The following CYSTM1 variants were observed in gnomAD, a reference collection of about 807,000 sequenced individuals.
CYSTM1 encodes cysteine rich transmembrane module containing 1, also known as cysteine-rich transmembrane module-containing protein 1.
Under a neutral mutation model 13.1 loss-of-function variants are expected in CYSTM1, and 4 were observed. The ratio of observed to expected loss-of-function variants is 0.31; its 90% CI spans 0.15 to 0.70. CYSTM1 has a LOEUF of 0.70. CYSTM1 is among the 30% of genes least tolerant of loss of function. The pLI, the probability that CYSTM1 is intolerant of heterozygous loss-of-function variation, is 0.72. For synonymous variants in CYSTM1, 36 were observed against 42.7 expected, an observed-to-expected ratio of 0.84 and a Z score of 0.62; for missense variants, 96 against 121.6, an observed-to-expected ratio of 0.79 and a Z score of 0.99.
At chr5:140,193,606 G>C (rs139254415) in intron 1 of CYSTM1, among the ~76,000 whole-genome samples, 1 of 152,166 alleles carries the variant, frequency 6.6e-6, no homozygotes, top group African/African-American at 2.4e-5. Context: ...GAAAGTCACC[G>C]TGCCAGGCAC....
intron 2 of CYSTM1, among the ~76,000 whole-genome samples, chr5:140,207,645 A>C (rs989466007): frequency 2.6e-5 from 4 of 152,184 alleles, no homozygotes; most frequent in African/African-American, 9.7e-5. Context: ...ATTCCAAAAA[A>C]CTTAGGGGCC....
At chr5:140,225,766 C>T (rs1346895700) in intron 2 of CYSTM1, among the ~76,000 whole-genome samples, 2 of 152,220 alleles carry the variant, frequency 1.3e-5, no homozygotes, top group Non-Finnish European at 2.9e-5. Context: ...AGTCCCCTCC[C>T]CAGCATTCTT....
intron 1 of CYSTM1, among the ~76,000 whole-genome samples, chr5:140,177,071 A>AAAAAAAAACAAAAAAAAAAC (rs1763898547): frequency 6.7e-6 from 1 of 149,280 alleles, no homozygotes; most frequent in African/African-American, 2.5e-5. Context: ...TCTGTCTCAA[A>AAAAAAAAACAAAAAAAAAAC]AAAAAAAAAA....
intron 1 of CYSTM1, among the ~76,000 whole-genome samples, chr5:140,189,938 G>A (rs976642926): frequency 6.6e-6 from 1 of 151,934 alleles, no homozygotes; most frequent in African/African-American, 2.4e-5. Context: ...GATATATTGT[G>A]GATTTTTTTA....
At chr5:140,204,142 GC>G (rs2126661036) in intron 2 of CYSTM1, among the ~76,000 whole-genome samples, 1 of 152,248 alleles carries the variant, frequency 6.6e-6, no homozygotes, top group Admixed American at 6.5e-5. Flanking sequence ...TGAGACAGGA[GC>G]ATCGCTTGAG....
chr5:140,238,489 C>T (rs1023616618), intron 2 of CYSTM1, among the ~76,000 whole-genome samples: 4 of 152,182 alleles, frequency 2.6e-5, no homozygotes, highest in African/African-American at 7.2e-5. Context: ...ACTCAGCACA[C>T]GGACCTGGTA....
At chr5:140,180,135 A>G (rs181886077) in intron 1 of CYSTM1, among the ~76,000 whole-genome samples, 118 of 152,316 alleles carry the variant, frequency 7.7e-4, no homozygotes, top group Non-Finnish European at 1.3e-3. Flanking sequence ...TAAGTTATTA[A>G]GCTGGTCAGA....
intron 2 of CYSTM1, among the ~76,000 whole-genome samples, chr5:140,195,432 C>T (rs1228061814): frequency 7.1e-6 from 1 of 141,836 alleles, no homozygotes; most frequent in Non-Finnish European, 1.5e-5. Flanking sequence ...TTAATTAGCC[C>T]TTTCAGCTTT....
chr5:140,186,255 G>T (rs1764014297), intron 1 of CYSTM1, among the ~76,000 whole-genome samples: 1 of 152,152 alleles, frequency 6.6e-6, no homozygotes, highest in Non-Finnish European at 1.5e-5. Flanking sequence ...AAAGTTACAT[G>T]AATCCTTTTA....
In CYSTM1 at chr5:140,207,809, A is replaced by G. The variant is rs80162035; in HGVS notation, c.187+13157A>G. 1.9e-3 allele frequency among the ~76,000 whole-genome samples: 290 copies of G among 152,318 alleles called. 6 individuals are homozygous for G. The East Asian group carries it at 0.041, about 22-fold the overall frequency. ...GGCTTAGTATAGGTAACCCCTATTA[A>G]TCATTCACATCTGAGTGGTACTCCT... On this transcript the variant is annotated intron_variant, in intron 2 of 2. Coordinates refer to ENST00000261811, the MANE Select transcript of CYSTM1 (RefSeq NM_032412.4).
intron 2 of CYSTM1, among the ~76,000 whole-genome samples, chr5:140,242,454 T>C (rs1006888376): frequency 6.6e-6 from 1 of 152,216 alleles, no homozygotes; most frequent in African/African-American, 2.4e-5. Flanking sequence ...TTTGGAAAAG[T>C]GAAATGCTTA....
chr5:140,227,400 G>A (rs1192427106), intron 2 of CYSTM1, among the ~76,000 whole-genome samples: 1 of 152,142 alleles, frequency 6.6e-6, no homozygotes, highest in Non-Finnish European at 1.5e-5. Flanking sequence ...CTTGGAGGGA[G>A]AGTTGTGATT....
At chr5:140,185,324 G>T (rs1450799945) in intron 1 of CYSTM1, among the ~76,000 whole-genome samples, 3 of 152,180 alleles carry the variant, frequency 2.0e-5, no homozygotes, top group Non-Finnish European at 2.9e-5. Flanking sequence ...AGGGGCTATT[G>T]TGAAGCCACA....
At chr5:140,229,805 C>T (rs1480553916) in intron 2 of CYSTM1, among the ~76,000 whole-genome samples, 1 of 152,164 alleles carries the variant, frequency 6.6e-6, no homozygotes, top group Non-Finnish European at 1.5e-5. Flanking sequence ...TCAAGCGATT[C>T]TCCTGCCTCA....
At chr5:140,226,125 C>T (rs900931826) in intron 2 of CYSTM1, among the ~76,000 whole-genome samples, 2 of 152,214 alleles carry the variant, frequency 1.3e-5, no homozygotes, top group East Asian at 1.9e-4. Context: ...TTACTGAATG[C>T]TTTCCAATGT....
At chr5:140,222,832 A>G (rs140507458) in intron 2 of CYSTM1, among the ~76,000 whole-genome samples, 1 of 152,356 alleles carries the variant, frequency 6.6e-6, no homozygotes, top group East Asian at 1.9e-4. Context: ...ATATGGGAAC[A>G]CTGACAATAA....
chr5:140,217,625 A>T (rs1042451741), intron 2 of CYSTM1, among the ~76,000 whole-genome samples: 3 of 152,108 alleles, frequency 2.0e-5, no homozygotes, highest in Non-Finnish European at 4.4e-5. Flanking sequence ...GTACGCCAAG[A>T]TCTCTTCTGA....
intron 1 of CYSTM1, among the ~76,000 whole-genome samples, chr5:140,177,869 A>G (rs567295530): frequency 1.3e-3 from 203 of 152,340 alleles, no homozygotes; most frequent in African/African-American, 4.4e-3. Flanking sequence ...TGAAGTGGCC[A>G]ACTAATTATG....
In CYSTM1 at chr5:140,219,078, T is replaced by G. The variant is rs1160308427; in HGVS notation, c.188-24227T>G. Among the ~76,000 whole-genome samples the G allele has an allele frequency of 1.3e-5, 2 of 152,146 alleles. No individual in the cohort carries two copies. Among genetic ancestry groups the G allele is most frequent in the African/African-American group, 2.4e-5 (1 of 41,434 alleles). On this transcript the variant is annotated intron_variant, in intron 2 of 2. Transcript: ENST00000261811. This position sits in a 1 kb window ranked among gnomAD's most constrained non-coding sequence, Gnocchi z 4.1. ...GAGTTCACCATGGAAGGGAGTTGTT[T>G]CCCTAAACTCTGGCCCTGTCTTCCA...
Sources: allele counts gnomAD v4.1 joint callset (sites outside exome capture counted in the v4.1 genomes callset), GRCh38; gene constraint gnomAD v4.1.1; non-coding constraint Gnocchi (gnomAD v3.1); transcripts MANE v1.5; gene names NCBI Gene and HGNC (gene_info 2026-07-23, HGNC 2026-07-21).